Variants in TMEM204 observed in about 807,000 individuals in gnomAD.
TMEM204 encodes the protein claudin-like protein 24.
TMEM204 carries 15 observed loss-of-function variants against 19.4 expected under a neutral mutation model. The observed-to-expected ratio is 0.77, with a 90% CI of 0.52 to 1.19. The LOEUF (loss-of-function observed/expected upper bound fraction) is 1.19. Among genes scored for constraint, TMEM204 ranks in the 50% most tolerant of loss-of-function variants. The pLI, the probability that TMEM204 is intolerant of heterozygous loss-of-function variation, is 0.00. For missense variants in TMEM204, 287 were observed against 321.2 expected, an observed-to-expected ratio of 0.89 and a Z score of 0.81; for synonymous variants, 161 against 146.0, an observed-to-expected ratio of 1.10 and a Z score of -0.74.
rs2141426179 is a variant in TMEM204, at chr16:1,554,896, C to T, written c.551C>T (p.Ala184Val). 6.2e-7 allele frequency: 1 copy of T among 1,614,240 alleles called. No homozygotes were observed. The highest frequency in any genetic ancestry group is 2.2e-5 in the East Asian group (1 of 44,884). Reference sequence around the variant, plus strand: ...TGCCTTCTGGCCACGCTGGCGGCAGCCATGCTCATCTGGAACATTCTCCAC... The same window carrying T: ...TGCCTTCTGGCCACGCTGGCGGCAGTCATGCTCATCTGGAACATTCTCCAC... ...GACLLATLAA[A>V]MLIWNILHKR... Residue 184 changes from alanine (A) to valine (V), a missense_variant, in exon 3 of 3, where the codon GCC (alanine) becomes GTC (valine). Coordinates refer to ENST00000566264, the MANE Select transcript of TMEM204 (RefSeq NM_024600.6).
chr16:1,541,602 T>C (rs528348268), intron 1 of TMEM204: 2 of 625,418 alleles, frequency 3.2e-6, no homozygotes, highest in Non-Finnish European at 4.0e-6. Flanking sequence ...CCTTCAAGGG[T>C]CAAGTCAGGC....
intron 2 of TMEM204, among the ~76,000 whole-genome samples, chr16:1,552,254 G>A (rs1005508118): frequency 6.6e-6 from 1 of 152,098 alleles, no homozygotes; most frequent in Non-Finnish European, 1.5e-5. Context: ...ACCTCCTCCC[G>A]CCCTCGAGGG....
At chr16:1,538,924 C>G (rs1411612442) in intron 1 of TMEM204, among the ~76,000 whole-genome samples, 1 of 152,186 alleles carries the variant, frequency 6.6e-6, no homozygotes, top group Non-Finnish European at 1.5e-5. Context: ...CTGGTCCCAT[C>G]TGCACAGGCC....
At chr16:1,554,612 C>T (rs1190998157) in intron 2 of TMEM204, among the ~76,000 whole-genome samples, 170 bp from the exon 3 acceptor site, 1 of 152,134 alleles carries the variant, frequency 6.6e-6, no homozygotes, top group Non-Finnish European at 1.5e-5. Flanking sequence ...CAGGAACCCG[C>T]TCTAGGACAG....
chr16:1,553,859 T>C lies in TMEM204; in HGVS notation c.437-923T>C, dbSNP rs2032877235. On this transcript the variant is annotated intron_variant, in intron 2 of 2. Transcript: ENST00000566264. This position sits in a 1 kb window ranked among gnomAD's most constrained non-coding sequence, Gnocchi z 4.4. ...CTGCGGCCACAGTGTCCTGTTATCC[T>C]AGTTGGTAGACTCTAGTCACGAAAC... 8.1e-7 allele frequency: 1 copy of C among 1,237,532 alleles called. No homozygotes were observed. The highest frequency in any genetic ancestry group is 1.0e-6 in the Non-Finnish European group (1 of 963,388). The allele number at this position is 1,237,532 out of a possible 1,614,324, so 76.7% of individuals were successfully genotyped here.
chr16:1,554,094 T>G, intron 2 of TMEM204: 1 of 1,285,788 alleles, frequency 7.8e-7, no homozygotes, highest in Non-Finnish European at 1.0e-6. Flanking sequence ...GGAGGGAGGG[T>G]CTAGAACGAG....
upstream of TMEM204, chr16:1,533,650 C>G (rs1430191793): frequency 6.6e-6 from 1 of 152,346 alleles, no homozygotes; most frequent in African/African-American, 2.4e-5. This position sits in a 1 kb window ranked among gnomAD's most constrained non-coding sequence, Gnocchi z 4.7. Flanking sequence ...TCACCAAAAA[C>G]AGTCTCAAAA....
At chr16:1,544,023 T>C (rs1314247992) in intron 2 of TMEM204, among the ~76,000 whole-genome samples, 1 of 151,412 alleles carries the variant, frequency 6.6e-6, no homozygotes, top group Non-Finnish European at 1.5e-5. Flanking sequence ...ACATTTCTTT[T>C]TTTTTTTTTT....
At position 1,551,053 on chromosome 16, in the gene TMEM204, A is replaced by G. The variant is rs1027261594; in HGVS notation, c.437-3729A>G. Reference sequence around the variant, plus strand: ...CCCTTTGAGGGGTCCTGGTCACTCAACTGCCAAGGCTGCTGTTCCTCCTCG... The same window carrying G: ...CCCTTTGAGGGGTCCTGGTCACTCAGCTGCCAAGGCTGCTGTTCCTCCTCG... On this transcript the variant is annotated intron_variant, in intron 2 of 2. Coordinates refer to ENST00000566264, the MANE Select transcript of TMEM204 (RefSeq NM_024600.6). The surrounding 1 kb of genome is among the most constrained non-coding windows in gnomAD (Gnocchi z 4.0). Among the ~76,000 whole-genome samples, 4 of 152,134 alleles carry G rather than the reference A, an allele frequency of 2.6e-5. No individual in the cohort carries two copies. The highest frequency in any genetic ancestry group is 6.5e-5 in the Admixed American group (1 of 15,284).
At chr16:1,541,219 C>T in intron 1 of TMEM204, 2 of 985,404 alleles carry the variant, frequency 2.0e-6, no homozygotes, top group Non-Finnish European at 2.4e-6. Flanking sequence ...GGAAGCAGGC[C>T]CTGACTTAAG....
chr16:1,555,119 C>A lies in TMEM204; in HGVS notation c.*93C>A. ...CCACCACCAAGTCACTTCCCCTGCT[C>A]GTGCAGAGGCACGGGATGAGTCTGG... On this transcript the variant is annotated 3_prime_UTR_variant, in exon 3 of 3. Transcript: ENST00000566264. 6.8e-7 allele frequency: 1 copy of A among 1,480,412 alleles called. No individual in the cohort carries two copies. Among genetic ancestry groups the A allele is most frequent in the Non-Finnish European group, 9.0e-7 (1 of 1,108,620 alleles). The allele number at this position is 1,480,412 out of a possible 1,614,324, so 91.7% of individuals were successfully genotyped here. A position where few individuals can be genotyped will look rare whatever the true frequency, so the allele number is the denominator to read the frequency against.
At chr16:1,543,402 G>A (rs928123012) in intron 2 of TMEM204, among the ~76,000 whole-genome samples, 15 of 152,184 alleles carry the variant, frequency 9.9e-5, no homozygotes, top group African/African-American at 3.1e-4. Flanking sequence ...GAGTCAGGCC[G>A]GGCTCTCTGA....
intron 2 of TMEM204, among the ~76,000 whole-genome samples, chr16:1,544,469 G>T (rs1225058091): frequency 6.6e-6 from 1 of 151,576 alleles, no homozygotes; most frequent in Non-Finnish European, 1.5e-5. Flanking sequence ...ATAGGCGTGA[G>T]CCACCGCGCC....
At chr16:1,552,748 A>G (rs1172383341) in intron 2 of TMEM204, among the ~76,000 whole-genome samples, 1 of 148,894 alleles carries the variant, frequency 6.7e-6, no homozygotes, top group Non-Finnish European at 1.5e-5. Context: ...TCTTGGGTTC[A>G]AGCAATTCTC....
chr16:1,534,743 C>T (rs967353954), intron 1 of TMEM204, among the ~76,000 whole-genome samples, 188 bp downstream of exon 1: 1 of 150,876 alleles, frequency 6.6e-6, no homozygotes, highest in Admixed American at 6.5e-5. Flanking sequence ...CCCCCTCTCC[C>T]TGGTGAGTGG....
Position 1,542,165 on chromosome 16 carries a change from G to C in TMEM204, c.436+89G>C, listed in dbSNP as rs2031716376. ...AGGGTCCTGAGGCCTTGGGTGGCCT[G>C]GGGGGAAGCTGCAGGCCATACCTCT... On this transcript the variant is annotated intron_variant, in intron 2 of 2. Transcript: ENST00000566264. 4 of 1,380,364 alleles carry C rather than the reference G, an allele frequency of 2.9e-6. No individual in the cohort carries two copies. The South Asian group carries it at 6.0e-5, about 21-fold the overall frequency. 85.5% of individuals were successfully genotyped at this position (1,380,364 alleles called of 1,614,324 possible). A position where few individuals can be genotyped will look rare whatever the true frequency, so the allele number is the denominator to read the frequency against.
chr16:1,533,693 A>C lies in TMEM204; in HGVS notation c.-583A>C. 1 of 152,936 alleles carries C rather than the reference A, an allele frequency of 6.5e-6. No individual in the cohort carries two copies. 9.5% of individuals were successfully genotyped at this position (152,936 alleles called of 1,614,324 possible). A position where few individuals can be genotyped will look rare whatever the true frequency, so the allele number is the denominator to read the frequency against. ...TTTCCTCTCTGCTGAGAGCCAGGGA[A>C]GGCGAGCTCTGCGCACACGGGCGTC... On this transcript the variant is annotated 5_prime_UTR_variant, in exon 1 of 3. Transcript: ENST00000566264. This position sits in a 1 kb window ranked among gnomAD's most constrained non-coding sequence, Gnocchi z 4.7.
chr16:1,542,372 G>A (rs1182859887), intron 2 of TMEM204, among the ~76,000 whole-genome samples: 1 of 152,262 alleles, frequency 6.6e-6, no homozygotes, highest in Non-Finnish European at 1.5e-5. Context: ...TCCTGAGTCT[G>A]TGGGGTCTGA....
chr16:1,534,730 A>G (rs1377717998), intron 1 of TMEM204, among the ~76,000 whole-genome samples, 175 bp downstream of exon 1: 3 of 150,834 alleles, frequency 2.0e-5, no homozygotes, highest in African/African-American at 7.2e-5. Flanking sequence ...CCAGGCCCCA[A>G]GGCCCCCTCT....
Sources: allele counts gnomAD v4.1 joint callset (sites outside exome capture counted in the v4.1 genomes callset), GRCh38; gene constraint gnomAD v4.1.1; non-coding constraint Gnocchi (gnomAD v3.1); transcripts MANE v1.5; gene names NCBI Gene and HGNC (gene_info 2026-07-23, HGNC 2026-07-21).